Variants in ANKAR observed in about 807,000 individuals in gnomAD.
ANKAR encodes the protein ankyrin and armadillo repeat containing, also known as ankyrin and armadillo repeat-containing protein.
In ANKAR, 136 loss-of-function variants were observed where a neutral mutation model predicts 146.2. The ratio of observed to expected loss-of-function variants is 0.93; its 90% CI spans 0.81 to 1.07. ANKAR has a LOEUF of 1.07. Ranked by LOEUF, ANKAR falls within the 50% of genes least tolerant of loss-of-function variation. The pLI is 0.00. For synonymous variants in ANKAR, 500 were observed against 575.8 expected (o/e 0.87, Z 1.88); for missense variants, 1,567 against 1,679.9 (o/e 0.93, Z 1.18).
chr2:189,732,381 G>T (rs1486135605), intron 16 of ANKAR, among the ~76,000 whole-genome samples: 1 of 151,820 alleles, frequency 6.6e-6, no homozygotes, highest in Non-Finnish European at 1.5e-5. Flanking sequence ...GGTGCTGCAG[G>T]CCAGGTGCTT....
At chr2:189,739,891 A>G (rs1048621525) in intron 19 of ANKAR, among the ~76,000 whole-genome samples, 1 of 152,158 alleles carries the variant, frequency 6.6e-6, no homozygotes, top group Non-Finnish European at 1.5e-5. Flanking sequence ...AAGAAATGCC[A>G]TATTACATTG....
chr2:189,700,056 T>C (rs1021294596), intron 7 of ANKAR, among the ~76,000 whole-genome samples: 6 of 151,996 alleles, frequency 3.9e-5, no homozygotes, highest in Non-Finnish European at 8.8e-5. Flanking sequence ...TTTTTTATTC[T>C]CTGATGCTCG....
chr2:189,709,550 C>CA (rs1460762466), intron 9 of ANKAR, among the ~76,000 whole-genome samples: 1 of 151,938 alleles, frequency 6.6e-6, no homozygotes, highest in Non-Finnish European at 1.5e-5. Flanking sequence ...AAACTAAAGC[C>CA]AAAAAAGAGA....
At chr2:189,712,004 TCTGAGATTGACCTGCGAGGCAGCAGC>T (rs2039762815) in intron 10 of ANKAR, among the ~76,000 whole-genome samples, 3 of 152,122 alleles carry the variant, frequency 2.0e-5, no homozygotes, top group Non-Finnish European at 4.4e-5. Context: ...AGCGCGGCAG[TCTGAGATTGACCTGCGAGGCAGCAGC>T]CTGGCAGGGG....
At chr2:189,713,279 T>C (rs375058099) in intron 10 of ANKAR, among the ~76,000 whole-genome samples, 2 of 152,206 alleles carry the variant, frequency 1.3e-5, no homozygotes, top group East Asian at 3.9e-4. Flanking sequence ...ACCACAAAGA[T>C]ACTCCTCGAG....
chr2:189,728,658 A>C lies in ANKAR; in HGVS notation c.3032-2A>C. ...TACATGTATCTTGCTTTTCTTTATC[A>C]GGAGGTGAAGCTGTCATAGCTCTAA... is the stretch of plus-strand genomic sequence containing the variant. On this transcript the variant is annotated splice_acceptor_variant, in intron 14 of 22. Transcript: ENST00000684021. LOFTEE classifies it high-confidence loss of function. 6.2e-7 allele frequency: 1 copy of C among 1,613,090 alleles called. No homozygotes were observed. The highest frequency in any genetic ancestry group is 1.3e-5 in the African/African-American group (1 of 75,020).
In ANKAR at chr2:189,676,557, G is replaced by A; in HGVS notation, c.67G>A (p.Glu23Lys). The change falls in exon 2 of 23, where the codon GAA becomes AAA. Residue 23 changes from glutamate (E) to lysine (K), a missense_variant. Transcript: ENST00000684021. ...EQVQDEDTYL[E>K]NLAIQRNASA... ...AGTTCAGGATGAAGACACCTACCTG[G>A]AAAATTTAGCAATACAAAGAAATGC... The A allele has an allele frequency of 6.2e-7, 1 of 1,605,176 alleles. No individual in the cohort carries two copies. Among genetic ancestry groups the A allele is most frequent in the Non-Finnish European group, 8.5e-7 (1 of 1,178,310 alleles).
intron 12 of ANKAR, among the ~76,000 whole-genome samples, chr2:189,725,212 T>G (rs1043987531): frequency 2.0e-5 from 3 of 152,142 alleles, no homozygotes; most frequent in Non-Finnish European, 2.9e-5. Flanking sequence ...AATGTATGTG[T>G]GTATGTATGA....
intron 2 of ANKAR, among the ~76,000 whole-genome samples, chr2:189,684,122 C>G (rs1416280682): frequency 6.6e-6 from 1 of 152,120 alleles, no homozygotes; most frequent in African/African-American, 2.4e-5. Context: ...CTCATGATAG[C>G]AAAATAGGAG....
At chr2:189,722,020 T>C (rs1300138694) in intron 12 of ANKAR, among the ~76,000 whole-genome samples, 1 of 152,154 alleles carries the variant, frequency 6.6e-6, no homozygotes, top group African/African-American at 2.4e-5. Flanking sequence ...TGTTCTTCCA[T>C]CGCTTACTAT....
chr2:189,701,723 A>G (rs2038081567), intron 7 of ANKAR, among the ~76,000 whole-genome samples: 1 of 152,142 alleles, frequency 6.6e-6, no homozygotes, highest in Non-Finnish European at 1.5e-5. Context: ...CTTGCAGGCT[A>G]CTTTATCCAT....
intron 2 of ANKAR, among the ~76,000 whole-genome samples, chr2:189,680,859 T>C (rs1027634134): frequency 6.6e-6 from 1 of 152,176 alleles, no homozygotes; most frequent in African/African-American, 2.4e-5. Context: ...TCATATGATC[T>C]ATCTTGGAGA....
At chr2:189,721,029 C>T (rs566018201) in intron 12 of ANKAR, among the ~76,000 whole-genome samples, 181 of 152,168 alleles carry the variant, frequency 1.2e-3, no homozygotes, top group Middle Eastern at 3.4e-3. Flanking sequence ...AGTCTGTCGC[C>T]CAGGCTGGAG....
At chr2:189,694,954 C>A in intron 5 of ANKAR, 27 bp from the exon 6 acceptor site, 1 of 1,364,508 alleles carries the variant, frequency 7.3e-7, no homozygotes, top group South Asian at 2.0e-5. Context: ...GTTAGAGAAA[C>A]ATCTTTTTTT....
At chr2:189,761,771 G>T, downstream of ANKAR, 1 of 1,105,222 alleles carries the variant, frequency 9.0e-7, no homozygotes, top group Non-Finnish European at 1.2e-6. Context: ...GTCACCAAAA[G>T]TTTGTAAAGG....
chr2:189,698,238 T>C (rs1182311373), intron 7 of ANKAR, among the ~76,000 whole-genome samples: 2 of 152,242 alleles, frequency 1.3e-5, no homozygotes, highest in Non-Finnish European at 2.9e-5. Flanking sequence ...TGATGTTTTG[T>C]ATTCATTTTG....
chr2:189,731,161 A>G (rs1193766516), intron 16 of ANKAR, among the ~76,000 whole-genome samples: 1 of 152,188 alleles, frequency 6.6e-6, no homozygotes, highest in Non-Finnish European at 1.5e-5. Flanking sequence ...TACTTCTACT[A>G]AAATGCCTTT....
At chr2:189,687,876 A>G (rs147392880) in intron 2 of ANKAR, among the ~76,000 whole-genome samples, 3 of 152,226 alleles carry the variant, frequency 2.0e-5, no homozygotes, top group African/African-American at 7.2e-5. Flanking sequence ...TGTTGGATAG[A>G]TAGTTTGCAA....
Position 189,714,666 on chromosome 2 carries a change from G to A in ANKAR, c.2224+3513G>A, listed in dbSNP as rs570669465. On this transcript the variant is annotated intron_variant, in intron 10 of 22. Transcript: ENST00000684021. ...TGCCCACAAGACAAAGCAGGAATTGGCCAGGCATGGTGGCTCATGCCTGTA... is the reference window on the plus strand; with the variant it reads ...TGCCCACAAGACAAAGCAGGAATTGACCAGGCATGGTGGCTCATGCCTGTA... Among the ~76,000 whole-genome samples the A allele has an allele frequency of 4.7e-4, 72 of 152,232 alleles. 2 individuals carry two copies. Among genetic ancestry groups the A allele is most frequent in the Middle Eastern group, 3.4e-3 (1 of 294 alleles).
Sources: gnomAD v4.1 joint callset for allele counts (sites outside exome capture counted in the v4.1 genomes callset) on GRCh38, gnomAD v4.1.1 for gene constraint, MANE v1.5 for transcripts, NCBI Gene and HGNC (gene_info 2026-07-23, HGNC 2026-07-21) for gene names.